The following PRPF39 variants were observed in gnomAD, a reference collection of about 807,000 sequenced individuals.
The protein encoded by PRPF39 is pre-mRNA processing factor 39.
Under a neutral mutation model 82.1 loss-of-function variants are expected in PRPF39, and 27 were observed. The observed-to-expected ratio is 0.33, with a 90% CI of 0.24 to 0.45. The LOEUF is 0.45. Among genes scored for constraint, PRPF39 ranks in the 20% least tolerant of loss-of-function variants. PRPF39 has a pLI of 1.00. For missense variants in PRPF39, 581 were observed against 796.9 expected (o/e 0.73, Z 3.26); for synonymous variants, 261 against 256.4 (o/e 1.02, Z -0.17).
At chr14:45,090,763 T>C (rs1300625845) in intron 1 of PRPF39, among the ~76,000 whole-genome samples, 1 of 152,074 alleles carries the variant, frequency 6.6e-6, no homozygotes, top group Non-Finnish European at 1.5e-5. Context: ...GTGTGTTAGC[T>C]CTTTCTCTAC....
At chr14:45,085,431 A>G (rs1883791698) in intron 1 of PRPF39, among the ~76,000 whole-genome samples, 1 of 152,328 alleles carries the variant, frequency 6.6e-6, no homozygotes, top group East Asian at 1.9e-4. Flanking sequence ...AATAAGAAAG[A>G]AGATGTTTAA....
chr14:45,109,533 A>T, intron 7 of PRPF39, 83 bp from the exon 8 acceptor site: 2 of 1,079,938 alleles, frequency 1.9e-6, no homozygotes, highest in Non-Finnish European at 2.4e-6. Flanking sequence ...ATTATATTTA[A>T]AATTATTTGT....
intron 7 of PRPF39, among the ~76,000 whole-genome samples, chr14:45,109,374 G>C (rs1884634525): frequency 6.6e-6 from 1 of 152,046 alleles, no homozygotes; most frequent in Non-Finnish European, 1.5e-5. Flanking sequence ...AGTATAAAAT[G>C]TTCTGTACAT....
chr14:45,101,208 A>G (rs1884362942), intron 4 of PRPF39, among the ~76,000 whole-genome samples: 1 of 152,226 alleles, frequency 6.6e-6, no homozygotes, highest in African/African-American at 2.4e-5. Flanking sequence ...ATTCTAGATG[A>G]ATAGTAGAAT....
chr14:45,113,964 A>G (rs1884766281), intron 11 of PRPF39, among the ~76,000 whole-genome samples: 1 of 152,228 alleles, frequency 6.6e-6, no homozygotes, highest in South Asian at 2.1e-4. Context: ...AAACAGGCAG[A>G]CAAATCGGAG....
At chr14:45,092,919 A>AT (rs1030824838) in intron 1 of PRPF39, among the ~76,000 whole-genome samples, 1 of 151,814 alleles carries the variant, frequency 6.6e-6, no homozygotes, top group African/African-American at 2.4e-5. Context: ...TAAAAAAAAA[A>AT]TGTATCCAGT....
At chr14:45,114,465 G>C (rs773994566) in intron 12 of PRPF39, 29 bp from the exon 13 acceptor site, 5 of 1,535,332 alleles carry the variant, frequency 3.3e-6, no homozygotes, top group Non-Finnish European at 4.4e-6. Flanking sequence ...TGGGAGTTTT[G>C]AAAGTTTCCA....
chr14:45,093,100 C>G (rs1332358680), intron 1 of PRPF39, among the ~76,000 whole-genome samples: 1 of 152,158 alleles, frequency 6.6e-6, no homozygotes, highest in Non-Finnish European at 1.5e-5. Flanking sequence ...TAAATCCTTA[C>G]AAATCTGTGA....
chr14:45,114,918 A>G lies in PRPF39; in HGVS notation c.*5A>G. On this transcript the variant is annotated 3_prime_UTR_variant, in exon 14 of 14. Coordinates refer to ENST00000355765, the MANE Select transcript of PRPF39 (RefSeq NM_017922.4). ...TATCCTCCCCCTCCAACCTGATGGG[A>G]AAAATGTAAATTTCAAATGCAGTGT... 6.3e-7 allele frequency: 1 copy of G among 1,583,292 alleles called. No individual in the cohort carries two copies. The highest frequency in any genetic ancestry group is 8.7e-7 in the Non-Finnish European group (1 of 1,152,740).
intron 5 of PRPF39, among the ~76,000 whole-genome samples, chr14:45,103,399 T>A (rs144509491): frequency 5.9e-5 from 9 of 152,078 alleles, no homozygotes; most frequent in Non-Finnish European, 1.3e-4. Flanking sequence ...ATGTTTTCTA[T>A]TTTTTGTTAT....
At chr14:45,096,814 G>A (rs1884214455) in intron 3 of PRPF39, 73 bp from the exon 4 acceptor site, 36 of 1,540,888 alleles carry the variant, frequency 2.3e-5, no homozygotes, top group Non-Finnish European at 2.9e-5. Context: ...AAGGTTCACC[G>A]GATAACACAG....
Sources: gnomAD v4.1 joint callset for allele counts (sites outside exome capture counted in the v4.1 genomes callset) on GRCh38, gnomAD v4.1.1 for gene constraint, MANE v1.5 for transcripts, NCBI Gene and HGNC (gene_info 2026-07-23, HGNC 2026-07-21) for gene names.